Variants in SETD5 observed in about 807,000 individuals in gnomAD.
SETD5 encodes the protein histone-lysine N-methyltransferase SETD5.
A neutral mutation model predicts 153.3 loss-of-function variants in SETD5; 44 were observed. The ratio of observed to expected loss-of-function variants is 0.29; its 90% CI spans 0.23 to 0.37. The LOEUF (loss-of-function observed/expected upper bound fraction) is 0.37, where lower values mean the gene tolerates loss of function less well. Ranked by LOEUF, SETD5 falls within the 10% of genes least tolerant of loss-of-function variation. SETD5 has a pLI of 1.00. For synonymous variants in SETD5, 716 were observed against 645.2 expected, an observed-to-expected ratio of 1.11 and a Z score of -1.66; for missense variants, 1,544 against 1,768.0, an observed-to-expected ratio of 0.87 and a Z score of 2.27.
chr3:9,448,876 C>T (rs1485768761), intron 16 of SETD5, among the ~76,000 whole-genome samples: 1 of 152,140 alleles, frequency 6.6e-6, no homozygotes, highest in Admixed American at 6.6e-5. Context: ...GATGTCTCTT[C>T]TGAGAACCCT....
intron 2 of SETD5, among the ~76,000 whole-genome samples, chr3:9,427,696 T>C (rs1363213460): frequency 1.3e-5 from 2 of 152,212 alleles, no homozygotes; most frequent in East Asian, 3.8e-4. Context: ...CTTTGTAGTC[T>C]TTTTTGCAAA....
At position 9,427,187 on chromosome 3, in the gene SETD5, A is replaced by G. The variant is rs1026645405; in HGVS notation, c.-116-1636A>G. On this transcript the variant is annotated intron_variant, in intron 2 of 22. Transcript: ENST00000402198. Reference sequence around the variant, plus strand: ...AGTTGTGAACCACTGCACCCAGCCCACAATTTTTTTTATTTGCATTAATAT... The same window carrying G: ...AGTTGTGAACCACTGCACCCAGCCCGCAATTTTTTTTATTTGCATTAATAT... 2.6e-5 allele frequency among the ~76,000 whole-genome samples: 4 copies of G among 152,304 alleles called. 1 individual carries two copies. In the South Asian group the frequency reaches 6.2e-4, roughly 24 times the overall value.
chr3:9,448,747 C>T (rs184219529), intron 16 of SETD5, 117 bp downstream of exon 16: 3 of 1,004,066 alleles, frequency 3.0e-6, no homozygotes, highest in East Asian at 5.4e-5. Flanking sequence ...CCACTCTGCC[C>T]ATGTGAGTTT....
chr3:9,398,129 C>T (rs113350451), intron 1 of SETD5, among the ~76,000 whole-genome samples, 152 bp downstream of exon 1: 1,833 of 151,878 alleles, frequency 0.012, 38 homozygotes, highest in African/African-American at 0.042. Context: ...TCTCACCCCC[C>T]TCGCCGCCTT....
intron 7 of SETD5, among the ~76,000 whole-genome samples, chr3:9,439,856 A>G (rs2041058196): frequency 6.6e-6 from 1 of 152,208 alleles, no homozygotes; most frequent in Non-Finnish European, 1.5e-5. Flanking sequence ...AGAAAGATAT[A>G]CTCAAATAAT....
rs1395265582 is a variant in SETD5 at position 9,417,964 on chromosome 3, G to A, written c.-176-6503G>A. Among the ~76,000 whole-genome samples the A allele has an allele frequency of 1.2e-4, 17 of 140,124 alleles. 1 individual carries two copies. Among genetic ancestry groups the A allele is most frequent in the African/African-American group, 1.8e-4 (7 of 37,930 alleles). 91.9% of individuals were successfully genotyped at this position (140,124 alleles called of 152,430 possible). Reference sequence around the variant, plus strand: ...TTTGTTTTTTTTTTTTTTTTGAGACGGAGTCTTGCTCTGTCGCACAGGCTG... The same window carrying A: ...TTTGTTTTTTTTTTTTTTTTGAGACAGAGTCTTGCTCTGTCGCACAGGCTG... On this transcript the variant is annotated intron_variant, in intron 1 of 22. Coordinates refer to ENST00000402198, the MANE Select transcript of SETD5 (RefSeq NM_001080517.3).
Position 9,434,157 on chromosome 3 carries a change from C to A in SETD5, c.178-177C>A. On this transcript the variant is annotated intron_variant, in intron 4 of 22. Transcript: ENST00000402198. The surrounding 1 kb of genome is among the most constrained non-coding windows in gnomAD (Gnocchi z 5.6). ...CCTTGGCATTTTGTTTTATCACTTT[C>A]CTGGTTGAAGCCAAAAAACAAAGGG... 3 of 1,548,486 alleles carry A rather than the reference C, an allele frequency of 1.9e-6. No homozygotes were observed. Among genetic ancestry groups the A allele is most frequent in the South Asian group, 1.2e-5 (1 of 84,126 alleles).
At chr3:9,419,799 A>G (rs971702689) in intron 1 of SETD5, among the ~76,000 whole-genome samples, 1 of 152,234 alleles carries the variant, frequency 6.6e-6, no homozygotes, top group Non-Finnish European at 1.5e-5. Context: ...AAATACAGAT[A>G]TTAATGGCTC....
intron 2 of SETD5, among the ~76,000 whole-genome samples, chr3:9,425,492 T>C (rs2039045814): frequency 6.6e-6 from 1 of 152,178 alleles, no homozygotes; most frequent in Non-Finnish European, 1.5e-5. Flanking sequence ...CTTTTCCTTT[T>C]AGTATATCTT....
rs142276587 is a variant in SETD5 at position 9,473,706 on chromosome 3, G to A, written c.3497+169G>A. Among the ~76,000 whole-genome samples the A allele has an allele frequency of 4.0e-3, 609 of 152,294 alleles. 3 individuals carry two copies. The highest frequency in any genetic ancestry group is 0.014 in the Middle Eastern group (4 of 294). ...TTCAGCTGATTTAATAATGTCAGCT[G>A]CAACCCCCCAGCTTTGCAGAATTAA... On this transcript the variant is annotated intron_variant, in intron 20 of 22. Coordinates refer to ENST00000402198, the MANE Select transcript of SETD5 (RefSeq NM_001080517.3).
At chr3:9,407,194 G>A (rs544885760) in intron 1 of SETD5, among the ~76,000 whole-genome samples, 1 of 152,208 alleles carries the variant, frequency 6.6e-6, no homozygotes, top group South Asian at 2.1e-4. Flanking sequence ...CGGGCATGGT[G>A]GTGCGAGCTT....
At chr3:9,412,321 A>G (rs1002597705) in intron 1 of SETD5, among the ~76,000 whole-genome samples, 1 of 151,358 alleles carries the variant, frequency 6.6e-6, no homozygotes, top group Non-Finnish European at 1.5e-5. Flanking sequence ...ATGGTACACT[A>G]AAGTTATCTT....
intron 3 of SETD5, chr3:9,429,795 C>T: frequency 7.8e-7 from 1 of 1,277,198 alleles, no homozygotes; most frequent in Non-Finnish European, 1.0e-6. Context: ...TGTCCTTTTA[C>T]CTCCCTTGTA....
At position 9,435,855 on chromosome 3, in the gene SETD5, GA is replaced by G; in HGVS notation, c.521del (p.Lys174ArgfsTer25). Reference protein sequence around the residue: ...TVRRTKPKKRKKSPEKGRAAP... With the variant: ...TVRRTKPKKRXKSPEKGRAAP... Reference sequence around the variant, plus strand: ...TTAGAAGAACCAAACCCAAGAAGCGGAAAAAGAGTCCAGAAAAGGGTCGTGC... The same window carrying G: ...TTAGAAGAACCAAACCCAAGAAGCGGAAAAGAGTCCAGAAAAGGGTCGTGC... On this transcript the variant is annotated frameshift_variant, in exon 7 of 23. Transcript: ENST00000402198. LOFTEE classifies it high-confidence loss of function. 6.3e-7 allele frequency: 1 copy of G among 1,599,150 alleles called. No homozygotes were observed.
In SETD5 at chr3:9,470,931, T is replaced by C. The variant is rs1276745372; in HGVS notation, c.3195+2T>C. ...CAGAACCCACCACAGAGGAAAAAAG[T>C]AAGTGTTTCATGTTATATCGGCGAA... On this transcript the variant is annotated splice_donor_variant, in intron 19 of 22. Transcript: ENST00000402198. LOFTEE classifies it high-confidence loss of function. 1 of 1,522,316 alleles carries C rather than the reference T, an allele frequency of 6.6e-7. No homozygotes were observed. 94.3% of individuals were successfully genotyped at this position (1,522,316 alleles called of 1,614,324 possible).
chr3:9,475,824 C>G lies in SETD5; in HGVS notation c.4062C>G (p.Asp1354Glu). ...AASPTLQGPS[D>E]SPTSDSVSQS... ...GCCCTACCCTGCAGGGACCCTCAGA[C>G]TCGCCAACCTCAGATTCAGTTTCTC... The change falls in exon 23 of 23, where the codon GAC (aspartate) becomes GAG (glutamate). Residue 1354 changes from aspartate to glutamate, a missense_variant. Asp to Glu is a conservative substitution (Grantham distance 45). Around this residue, in one of 9 missense-constraint regions of SETD5, gnomAD observed 302 missense variants for 277.6 expected, o/e 1.09. Coordinates refer to ENST00000402198, the MANE Select transcript of SETD5 (RefSeq NM_001080517.3). 6.2e-7 allele frequency: 1 copy of G among 1,614,062 alleles called. No homozygotes were observed. Among genetic ancestry groups the G allele is most frequent in the Non-Finnish European group, 8.5e-7 (1 of 1,179,900 alleles).
intron 18 of SETD5, among the ~76,000 whole-genome samples, chr3:9,468,830 G>A (rs1391829311): frequency 6.6e-6 from 1 of 151,860 alleles, no homozygotes; most frequent in Admixed American, 6.6e-5. Context: ...TGTTTGGTGG[G>A]GTTGGTTTTT....
chr3:9,465,208 C>T (rs1395182346), intron 18 of SETD5, among the ~76,000 whole-genome samples: 1 of 152,106 alleles, frequency 6.6e-6, no homozygotes, highest in Non-Finnish European at 1.5e-5. Context: ...GGTTACTTTC[C>T]CTCTTTGTTA....
chr3:9,424,077 C>T (rs1307557308), intron 1 of SETD5, among the ~76,000 whole-genome samples: 1 of 151,948 alleles, frequency 6.6e-6, no homozygotes, highest in Admixed American at 6.6e-5. Flanking sequence ...AGTTGTCGGA[C>T]ATCGGGTTAA....
Sources: gnomAD v4.1 joint callset for allele counts (sites outside exome capture counted in the v4.1 genomes callset) on GRCh38, gnomAD v4.1.1 for gene constraint, gnomAD v4.1.1 regional missense constraint, Gnocchi (gnomAD v3.1) non-coding constraint, MANE v1.5 for transcripts, NCBI Gene and HGNC (gene_info 2026-07-23, HGNC 2026-07-21) for gene names.